The following HECA variants were observed in gnomAD, a reference collection of about 807,000 sequenced individuals.
HECA encodes headcase protein homolog.
Under a neutral mutation model 37.6 loss-of-function variants are expected in HECA, and 13 were observed. The ratio of observed to expected loss-of-function variants is 0.35; its 90% CI spans 0.23 to 0.55. HECA has a LOEUF of 0.55. HECA is among the 20% of genes least tolerant of loss of function. The probability of loss-of-function intolerance (pLI) is 0.90; values close to 1 mark genes in which losing one functional copy is unlikely to be tolerated. For missense variants in HECA, 527 were observed against 701.9 expected, an observed-to-expected ratio of 0.75 and a Z score of 2.82; for synonymous variants, 307 against 291.5, an observed-to-expected ratio of 1.05 and a Z score of -0.54.
intron 1 of HECA, among the ~76,000 whole-genome samples, chr6:139,155,117 C>T (rs561771407): frequency 6.6e-6 from 1 of 152,298 alleles, no homozygotes; most frequent in South Asian, 2.1e-4. Flanking sequence ...TAGCCTACTA[C>T]ATACGTAGGC....
chr6:139,161,815 C>T (rs914209372), intron 1 of HECA, among the ~76,000 whole-genome samples: 1 of 152,166 alleles, frequency 6.6e-6, no homozygotes, highest in African/African-American at 2.4e-5. Flanking sequence ...TACTTCAAGG[C>T]TCTTCATCTG....
intron 1 of HECA, among the ~76,000 whole-genome samples, chr6:139,165,244 C>A (rs1325364867): frequency 6.6e-6 from 1 of 152,094 alleles, no homozygotes; most frequent in Non-Finnish European, 1.5e-5. Context: ...CCTTTTATTT[C>A]TCATTTTAAA....
intron 3 of HECA, among the ~76,000 whole-genome samples, chr6:139,175,787 T>C (rs1040352721): frequency 7.2e-5 from 11 of 152,232 alleles, no homozygotes; most frequent in Non-Finnish European, 1.6e-4. Context: ...ATTATTTCCA[T>C]GTCTTTAGGA....
intron 1 of HECA, chr6:139,165,994 G>T: frequency 3.4e-6 from 1 of 289,868 alleles, no homozygotes; most frequent in Non-Finnish European, 6.4e-6. Flanking sequence ...ACGAGAAATC[G>T]GTATGAGACC....
chr6:139,174,271 AT>A, intron 2 of HECA, 113 bp from the exon 3 acceptor site: 1 of 1,238,218 alleles, frequency 8.1e-7, no homozygotes, highest in South Asian at 1.6e-5. Flanking sequence ...TTTTATATTT[AT>A]CCAAATGATA....
At chr6:139,168,584 A>G (rs961772423) in intron 2 of HECA, among the ~76,000 whole-genome samples, 2 of 151,814 alleles carry the variant, frequency 1.3e-5, no homozygotes, top group African/African-American at 2.4e-5. Flanking sequence ...TCCTGCTTCT[A>G]CCTGTCCTGG....
intron 2 of HECA, among the ~76,000 whole-genome samples, chr6:139,172,709 G>T (rs1774991993): frequency 6.6e-6 from 1 of 152,120 alleles, no homozygotes; most frequent in African/African-American, 2.4e-5. Flanking sequence ...TTGCCTGTAG[G>T]TTACGGATCC....
At chr6:139,140,651 C>T (rs1774502229) in intron 1 of HECA, among the ~76,000 whole-genome samples, 2 of 152,148 alleles carry the variant, frequency 1.3e-5, no homozygotes, top group Non-Finnish European at 2.9e-5. Context: ...GGAGATAAAA[C>T]GGGAAAATCT....
Position 139,176,934 on chromosome 6 carries a change from C to T in HECA, c.1468-7C>T. ...GTGTTGTGGCTGATGGTGTCTGTTT[C>T]CCCCAGGCCCGCCTGAACTGTAAGC... On this transcript the variant is annotated splice_region_variant and splice_polypyrimidine_tract_variant and intron_variant, in intron 3 of 3. Transcript: ENST00000367658. The surrounding 1 kb of genome is among the most constrained non-coding windows in gnomAD (Gnocchi z 4.5). 1 of 866,558 alleles carries T rather than the reference C, an allele frequency of 1.2e-6. No homozygotes were observed. The highest frequency in any genetic ancestry group is 1.3e-5 in the South Asian group (1 of 76,078). 53.7% of individuals were successfully genotyped at this position (866,558 alleles called of 1,614,324 possible).
In HECA at chr6:139,176,712, A is replaced by T. The variant is rs1476535575; in HGVS notation, c.1468-229A>T. ...GAACTTCAGTGGAGAGCATTTAGGC[A>T]GTAGTAGTTTAGAATTTTCTTCTCA... On this transcript the variant is annotated intron_variant, in intron 3 of 3. Coordinates refer to ENST00000367658, the MANE Select transcript of HECA (RefSeq NM_016217.3). This position sits in a 1 kb window ranked among gnomAD's most constrained non-coding sequence, Gnocchi z 4.5. Among the ~76,000 whole-genome samples the T allele has an allele frequency of 1.3e-5, 2 of 152,174 alleles. No individual in the cohort carries two copies. The highest frequency in any genetic ancestry group is 4.8e-5 in the African/African-American group (2 of 41,422).
intron 2 of HECA, among the ~76,000 whole-genome samples, chr6:139,168,508 C>T (rs551671313): frequency 1.3e-5 from 2 of 151,054 alleles, no homozygotes; most frequent in South Asian, 4.2e-4. Flanking sequence ...TTCCACATAC[C>T]TGTCAGATTT....
At chr6:139,145,627 G>T (rs1774576196) in intron 1 of HECA, among the ~76,000 whole-genome samples, 1 of 152,140 alleles carries the variant, frequency 6.6e-6, no homozygotes, top group South Asian at 2.1e-4. Flanking sequence ...AAATTAAATT[G>T]ACAAGAGACA....
chr6:139,173,985 A>G (rs1775015020), intron 2 of HECA, among the ~76,000 whole-genome samples: 1 of 152,172 alleles, frequency 6.6e-6, no homozygotes, highest in Non-Finnish European at 1.5e-5. Flanking sequence ...GCTTGTGACA[A>G]GATCAGTGGT....
intron 1 of HECA, among the ~76,000 whole-genome samples, chr6:139,140,494 G>A (rs953628072): frequency 7.2e-5 from 11 of 152,124 alleles, no homozygotes; most frequent in Non-Finnish European, 7.4e-5. Flanking sequence ...CGCCGTTCAT[G>A]GTGCTCTATG....
intron 1 of HECA, among the ~76,000 whole-genome samples, chr6:139,157,231 G>A (rs547840128): frequency 4.6e-5 from 7 of 152,262 alleles, no homozygotes; most frequent in South Asian, 2.1e-4. Flanking sequence ...GGTCACTCTC[G>A]TCACCATTTT....
At chr6:139,137,402 T>G (rs72978608) in intron 1 of HECA, among the ~76,000 whole-genome samples, 4,498 of 152,278 alleles carry the variant, frequency 0.03, 75 homozygotes, top group Non-Finnish European at 0.039. Context: ...TCTTGTTATT[T>G]TAAAGGTTAC....
Position 139,166,321 on chromosome 6 carries a change from T to C in HECA, c.309T>C (p.Gly103=). Residue 103 remains glycine, a synonymous_variant, in exon 2 of 4, where the codon GGT becomes GGC. Coordinates refer to ENST00000367658, the MANE Select transcript of HECA (RefSeq NM_016217.3). ...PCATPLICSF[G]RPVDLEKDDY... ...CCACTCCCCTGATCTGCAGCTTCGG[T>C]AGGCCGGTGGACCTGGAGAAGGACG... 1 of 1,612,138 alleles carries C rather than the reference T, an allele frequency of 6.2e-7. No individual in the cohort carries two copies. Among genetic ancestry groups the C allele is most frequent in the Non-Finnish European group, 8.5e-7 (1 of 1,178,560 alleles).
At chr6:139,160,534 C>T (rs750960597) in intron 1 of HECA, among the ~76,000 whole-genome samples, 15 of 152,298 alleles carry the variant, frequency 9.8e-5, no homozygotes, top group Non-Finnish European at 1.9e-4. Context: ...CCACCTCAGC[C>T]TCCTGAGTAG....
At chr6:139,175,846 A>T (rs1190496698) in intron 3 of HECA, among the ~76,000 whole-genome samples, 1 of 152,234 alleles carries the variant, frequency 6.6e-6, no homozygotes, top group South Asian at 2.1e-4. Context: ...GGTATTCACC[A>T]TGCACTGTAT....
Sources: gnomAD v4.1 joint callset for allele counts (sites outside exome capture counted in the v4.1 genomes callset) on GRCh38, gnomAD v4.1.1 for gene constraint, Gnocchi (gnomAD v3.1) non-coding constraint, MANE v1.5 for transcripts, NCBI Gene and HGNC (gene_info 2026-07-23, HGNC 2026-07-21) for gene names.